Variants in MTUS2 observed in about 807,000 individuals in gnomAD.
MTUS2 encodes microtubule-associated tumor suppressor candidate 2.
In MTUS2, 40 loss-of-function variants were observed where a neutral mutation model predicts 114.1. The observed-to-expected ratio is 0.35, with a 90% CI of 0.27 to 0.46. The LOEUF (loss-of-function observed/expected upper bound fraction) is 0.46. Among genes scored for constraint, MTUS2 ranks in the 20% least tolerant of loss-of-function variants. The pLI, the probability that MTUS2 is intolerant of heterozygous loss-of-function variation, is 1.00. For synonymous variants in MTUS2, 688 were observed against 672.0 expected, an observed-to-expected ratio of 1.02 and a Z score of -0.37; for missense variants, 1,679 against 1,705.4, an observed-to-expected ratio of 0.98 and a Z score of 0.27.
At chr13:28,980,771 G>A (rs575176793) in intron 2 of MTUS2, among the ~76,000 whole-genome samples, 9 of 152,290 alleles carry the variant, frequency 5.9e-5, no homozygotes, top group African/African-American at 1.7e-4. Context: ...TGTTTTTGTC[G>A]TTGTTGTTTG....
intron 2 of MTUS2, among the ~76,000 whole-genome samples, chr13:28,963,011 C>G (rs778422606): frequency 2.0e-5 from 3 of 152,118 alleles, no homozygotes; most frequent in Admixed American, 2.0e-4. Context: ...GCCTTCCTTT[C>G]TTTTTTGTAG....
chr13:28,831,932 A>T (rs1186438516), intron 1 of MTUS2, among the ~76,000 whole-genome samples: 3 of 144,390 alleles, frequency 2.1e-5, no homozygotes, highest in Non-Finnish European at 3.0e-5. Context: ...ATTTTTTTGT[A>T]TTTTTTTTTT....
chr13:29,139,503 TATG>T lies in MTUS2; in HGVS notation c.2644+38537_2644+38539del, dbSNP rs1892125294. Among the ~76,000 whole-genome samples the T allele has an allele frequency of 3.3e-5, 5 of 152,206 alleles. No individual in the cohort carries two copies. In the South Asian group the frequency reaches 1.0e-3, roughly 31 times the overall value. On this transcript the variant is annotated intron_variant, in intron 5 of 15. Coordinates refer to ENST00000612955, the MANE Select transcript of MTUS2 (RefSeq NM_001033602.4). ...ATTTCCCCCCATTTGAGATGTTTAT[TATG>T]ATGCTAAATTCTAATATCTAATATA...
chr13:28,990,482 A>G (rs1479455848), intron 2 of MTUS2, among the ~76,000 whole-genome samples: 1 of 152,128 alleles, frequency 6.6e-6, no homozygotes, highest in African/African-American at 2.4e-5. Flanking sequence ...GTCTGTGTCT[A>G]AAGGATTGTA....
At chr13:28,823,841 G>T (rs1052964829) in intron 1 of MTUS2, among the ~76,000 whole-genome samples, 1 of 152,134 alleles carries the variant, frequency 6.6e-6, no homozygotes, top group African/African-American at 2.4e-5. Flanking sequence ...ACGGTGGAAG[G>T]GGAAGCAAAC....
intron 13 of MTUS2, chr13:29,497,665 G>A (rs932703643): frequency 4.5e-5 from 14 of 308,130 alleles, no homozygotes; most frequent in Middle Eastern, 2.1e-3. Context: ...CCATTCTCCC[G>A]CAACTTTTTA....
intron 3 of MTUS2, 48 bp from the exon 4 acceptor site, chr13:29,033,837 C>G (rs1886937927): frequency 1.9e-6 from 3 of 1,608,410 alleles, no homozygotes; most frequent in Non-Finnish European, 2.5e-6. Context: ...ATAGAACTCA[C>G]ACTATGATGT....
At chr13:29,284,396 ATTT>A (rs11359197) in intron 6 of MTUS2, among the ~76,000 whole-genome samples, 18,751 of 144,400 alleles carry the variant, frequency 0.13, 1,409 homozygotes, top group East Asian at 0.31. Flanking sequence ...AGAATAAGCT[ATTT>A]TTTAAAAAAA....
intron 5 of MTUS2, among the ~76,000 whole-genome samples, chr13:29,261,416 G>A (rs550294396): frequency 6.6e-6 from 1 of 152,234 alleles, no homozygotes; most frequent in East Asian, 1.9e-4. Flanking sequence ...CATTTGACTT[G>A]GTTTCTCAGG....
chr13:28,959,860 A>G (rs1883242902), intron 2 of MTUS2, among the ~76,000 whole-genome samples: 1 of 152,108 alleles, frequency 6.6e-6, no homozygotes, highest in Non-Finnish European at 1.5e-5. Flanking sequence ...GTATCACACC[A>G]CCTGTCAGTA....
At chr13:29,020,876 G>T (rs1886265531) in intron 2 of MTUS2, among the ~76,000 whole-genome samples, 1 of 151,300 alleles carries the variant, frequency 6.6e-6, no homozygotes, top group African/African-American at 2.4e-5. Flanking sequence ...GGGATGTGAA[G>T]ACCTGTCTCT....
intron 5 of MTUS2, among the ~76,000 whole-genome samples, chr13:29,231,449 T>A (rs1896321988): frequency 6.6e-6 from 1 of 152,212 alleles, no homozygotes; most frequent in Non-Finnish European, 1.5e-5. Flanking sequence ...ACATCAGCTG[T>A]GATAGAAAAT....
rs1448372995 is a variant in MTUS2, at chr13:29,256,971, A to G, written c.2645-24733A>G. Among the ~76,000 whole-genome samples, 40 of 152,140 alleles carry G rather than the reference A, an allele frequency of 2.6e-4. 1 individual carries two copies. The highest frequency in any genetic ancestry group is 2.6e-3 in the Admixed American group (40 of 15,280). ...CTGGAGGTTGCCTTCTTCTGGCCTG[A>G]CCTACATTGTTGCAAAATAAAAGGT... On this transcript the variant is annotated intron_variant, in intron 5 of 15. Transcript: ENST00000612955.
intron 9 of MTUS2, among the ~76,000 whole-genome samples, chr13:29,471,354 T>A (rs1258275376): frequency 1.3e-5 from 2 of 151,682 alleles, no homozygotes; most frequent in African/African-American, 4.8e-5. Context: ...ATAATAATAA[T>A]AATAAAATAA....
At chr13:29,048,498 G>C (rs755055672) in intron 4 of MTUS2, among the ~76,000 whole-genome samples, 25 of 152,052 alleles carry the variant, frequency 1.6e-4, no homozygotes, top group Non-Finnish European at 3.5e-4. Flanking sequence ...TTTGAGATAG[G>C]GTCTCACTCT....
intron 6 of MTUS2, among the ~76,000 whole-genome samples, chr13:29,315,573 T>C (rs1899954211): frequency 6.6e-6 from 1 of 152,116 alleles, no homozygotes; most frequent in African/African-American, 2.4e-5. Flanking sequence ...GACTATAAAT[T>C]TGATGTCCCT....
intron 5 of MTUS2, among the ~76,000 whole-genome samples, chr13:29,258,862 C>G (rs959557128): frequency 1.3e-5 from 2 of 152,146 alleles, no homozygotes; most frequent in African/African-American, 4.8e-5. Flanking sequence ...AGGTTATCAC[C>G]CCACTGACCT....
chr13:29,428,895 C>T (rs1267402115), intron 8 of MTUS2: 3 of 1,613,994 alleles, frequency 1.9e-6, no homozygotes, highest in Admixed American at 1.7e-5. Flanking sequence ...CTGGACAAGA[C>T]GGTACTTTGC....
intron 2 of MTUS2, among the ~76,000 whole-genome samples, chr13:28,962,387 T>A (rs1214981080): frequency 6.6e-6 from 1 of 152,334 alleles, no homozygotes; most frequent in Non-Finnish European, 1.5e-5. Flanking sequence ...TTACTTTTTT[T>A]AATAATAAAA....
Sources: allele counts gnomAD v4.1 joint callset (sites outside exome capture counted in the v4.1 genomes callset), GRCh38; gene constraint gnomAD v4.1.1; transcripts MANE v1.5; gene names NCBI Gene and HGNC (gene_info 2026-07-23, HGNC 2026-07-21).